GPC6: variants seen among roughly 807,000 people sequenced by gnomAD.
The protein encoded by GPC6 is glypican-6.
Under a neutral mutation model 55.2 loss-of-function variants are expected in GPC6, and 14 were observed. The ratio of observed to expected loss-of-function variants is 0.25; its 90% CI spans 0.17 to 0.40. The LOEUF (loss-of-function observed/expected upper bound fraction) is 0.40, where lower values mean the gene tolerates loss of function less well. Among genes scored for constraint, GPC6 ranks in the 10% least tolerant of loss-of-function variants. GPC6 has a pLI of 1.00. For synonymous variants in GPC6, 278 were observed against 259.6 expected (o/e 1.07, Z -0.68); for missense variants, 641 against 708.5 (o/e 0.90, Z 1.08).
chr13:93,293,940 A>G (rs1339919775), intron 1 of GPC6, among the ~76,000 whole-genome samples: 2 of 151,104 alleles, frequency 1.3e-5, no homozygotes, highest in Non-Finnish European at 2.9e-5. Context: ...TCTTACTTCA[A>G]TTATCGTCCA....
chr13:94,376,897 A>G (rs1427675501), intron 6 of GPC6, among the ~76,000 whole-genome samples: 4 of 151,986 alleles, frequency 2.6e-5, no homozygotes, highest in Non-Finnish European at 5.9e-5. Context: ...ATAACGCAGC[A>G]TATCTACAAC....
intron 3 of GPC6, among the ~76,000 whole-genome samples, chr13:93,919,266 A>G (rs945038513): frequency 6.6e-6 from 1 of 152,208 alleles, no homozygotes; most frequent in Non-Finnish European, 1.5e-5. Flanking sequence ...ACCCAGTCTC[A>G]GATATTTCTT....
chr13:93,539,682 A>G (rs543072420), intron 1 of GPC6, among the ~76,000 whole-genome samples: 18 of 135,016 alleles, frequency 1.3e-4, no homozygotes, highest in African/African-American at 4.5e-4. Context: ...CCAAGAGAGG[A>G]AGTGCTTGGT....
intron 4 of GPC6, among the ~76,000 whole-genome samples, chr13:94,280,115 C>A (rs113177207): frequency 3.3e-5 from 5 of 152,270 alleles, no homozygotes; most frequent in African/African-American, 9.6e-5. Flanking sequence ...TTTTATAAAT[C>A]TGGGTGCTCT....
At chr13:93,519,026 A>G (rs1399753384) in intron 1 of GPC6, among the ~76,000 whole-genome samples, 3 of 152,060 alleles carry the variant, frequency 2.0e-5, no homozygotes, top group Non-Finnish European at 4.4e-5. Context: ...ACACAGGCAG[A>G]GTTGAGTAGT....
intron 4 of GPC6, among the ~76,000 whole-genome samples, chr13:94,103,278 G>C (rs1247041657): frequency 6.6e-6 from 1 of 152,112 alleles, no homozygotes; most frequent in Non-Finnish European, 1.5e-5. Flanking sequence ...TCTTAATCCA[G>C]TCAATCATTG....
intron 4 of GPC6, among the ~76,000 whole-genome samples, chr13:94,264,314 T>A (rs1399226022): frequency 6.6e-6 from 1 of 152,234 alleles, no homozygotes; most frequent in Non-Finnish European, 1.5e-5. Context: ...TTGGTCTGCA[T>A]GCAGCCTGTG....
At chr13:93,777,251 T>C (rs1193543274) in intron 2 of GPC6, among the ~76,000 whole-genome samples, 5 of 152,310 alleles carry the variant, frequency 3.3e-5, no homozygotes, top group African/African-American at 1.2e-4. Context: ...TCTCCTGTTT[T>C]CTTACGTTCT....
intron 1 of GPC6, among the ~76,000 whole-genome samples, chr13:93,304,011 G>T (rs181596391): frequency 1.4e-3 from 212 of 151,794 alleles, no homozygotes; most frequent in African/African-American, 4.4e-3. Context: ...TGGGATTACA[G>T]GTGCTCACCA....
intron 6 of GPC6, among the ~76,000 whole-genome samples, chr13:94,379,752 T>TCC (rs1362602170): frequency 1.1e-4 from 17 of 152,320 alleles, no homozygotes; most frequent in African/African-American, 3.6e-4. Flanking sequence ...CACCCTGGAA[T>TCC]CCCCTAAGCT....
chr13:93,475,967 T>C (rs903556935), intron 1 of GPC6, among the ~76,000 whole-genome samples: 1 of 152,182 alleles, frequency 6.6e-6, no homozygotes, highest in African/African-American at 2.4e-5. Flanking sequence ...TGGGATTTTT[T>C]TTTTTTATGA....
chr13:94,353,606 C>T (rs780235233), intron 6 of GPC6, among the ~76,000 whole-genome samples: 1 of 151,996 alleles, frequency 6.6e-6, no homozygotes, highest in Middle Eastern at 3.4e-3. Flanking sequence ...CACACACATT[C>T]CTCTTTAAAT....
At chr13:94,020,303 T>C (rs1882647421) in intron 3 of GPC6, among the ~76,000 whole-genome samples, 1 of 152,236 alleles carries the variant, frequency 6.6e-6, no homozygotes, top group Non-Finnish European at 1.5e-5. Context: ...GTTTTCCCTC[T>C]GTTACTGATT....
chr13:93,721,726 G>A (rs951540886), intron 2 of GPC6, among the ~76,000 whole-genome samples: 4 of 151,614 alleles, frequency 2.6e-5, no homozygotes, highest in Non-Finnish European at 5.9e-5. Context: ...TCATTCCTTA[G>A]TCCTTATGTG....
At chr13:94,352,606 C>T (rs1878606659) in intron 6 of GPC6, among the ~76,000 whole-genome samples, 1 of 152,206 alleles carries the variant, frequency 6.6e-6, no homozygotes, top group Admixed American at 6.5e-5. Context: ...TTCCCTCCCC[C>T]ATACTTCAGT....
At chr13:93,723,216 C>T (rs188823021) in intron 2 of GPC6, among the ~76,000 whole-genome samples, 5 of 152,044 alleles carry the variant, frequency 3.3e-5, no homozygotes, top group African/African-American at 9.6e-5. Flanking sequence ...GATATTGCTA[C>T]AGGTTTTACT....
intron 6 of GPC6, among the ~76,000 whole-genome samples, chr13:94,338,922 G>A (rs1325354025): frequency 1.3e-5 from 2 of 152,150 alleles, no homozygotes; most frequent in Non-Finnish European, 2.9e-5. Flanking sequence ...ATTGCCCATA[G>A]CTGGAGAAGG....
intron 4 of GPC6, among the ~76,000 whole-genome samples, chr13:94,050,017 G>A (rs1453079376): frequency 6.6e-6 from 1 of 152,060 alleles, no homozygotes; most frequent in Admixed American, 6.6e-5. Flanking sequence ...CATGTAAGAT[G>A]TGCCTTTCAC....
At chr13:93,812,161 T>TGGGGGGGGG (rs1886716201) in intron 2 of GPC6, among the ~76,000 whole-genome samples, 1 of 29,602 alleles carries the variant, frequency 3.4e-5, no homozygotes, top group Non-Finnish European at 6.6e-5. Context: ...GGGCGGGGGG[T>TGGGGGGGGG]GGGTGGATCA....
Sources: gnomAD v4.1 joint callset for allele counts (sites outside exome capture counted in the v4.1 genomes callset) on GRCh38, gnomAD v4.1.1 for gene constraint, MANE v1.5 for transcripts, NCBI Gene and HGNC (gene_info 2026-07-23, HGNC 2026-07-21) for gene names.